XPO4: variants seen among roughly 807,000 people sequenced by gnomAD.
XPO4 encodes exportin 4.
A neutral mutation model predicts 143.0 loss-of-function variants in XPO4; 39 were observed. The observed-to-expected ratio is 0.27, with a 90% CI of 0.21 to 0.36. The LOEUF is 0.36. Ranked by LOEUF, XPO4 falls within the 10% of genes least tolerant of loss-of-function variation. The pLI is 1.00. For synonymous variants in XPO4, 439 were observed against 474.0 expected, an observed-to-expected ratio of 0.93 and a Z score of 0.96; for missense variants, 907 against 1,348.0, an observed-to-expected ratio of 0.67 and a Z score of 5.12.
intron 1 of XPO4, among the ~76,000 whole-genome samples, chr13:20,879,750 A>C (rs982211920): frequency 6.6e-6 from 1 of 152,190 alleles, no homozygotes; most frequent in Non-Finnish European, 1.5e-5. Flanking sequence ...TGTACATCAA[A>C]TGACATTATC....
intron 18 of XPO4, among the ~76,000 whole-genome samples, chr13:20,793,554 CT>C (rs2059313482): frequency 6.6e-6 from 1 of 151,958 alleles, no homozygotes; most frequent in South Asian, 2.1e-4. Flanking sequence ...TTCTTATTGA[CT>C]GATTGACTGA....
chr13:20,884,151 G>A (rs2060439952), intron 1 of XPO4, among the ~76,000 whole-genome samples: 1 of 152,144 alleles, frequency 6.6e-6, no homozygotes, highest in Admixed American at 6.5e-5. Context: ...GAGGCAGGAG[G>A]ATCGCTTAAG....
At chr13:20,867,239 T>C (rs955917889) in intron 2 of XPO4, among the ~76,000 whole-genome samples, 1 of 152,180 alleles carries the variant, frequency 6.6e-6, no homozygotes. Flanking sequence ...TCAGTGAGAA[T>C]TTAAAAGGTA....
chr13:20,865,458 C>G (rs539993089), intron 2 of XPO4: 1 of 985,296 alleles, frequency 1.0e-6, no homozygotes, highest in Admixed American at 6.1e-5. Context: ...TTCTAAACTA[C>G]TTCTGGGAAG....
chr13:20,886,342 T>G (rs976346827), intron 1 of XPO4, among the ~76,000 whole-genome samples: 3 of 152,180 alleles, frequency 2.0e-5, no homozygotes, highest in Admixed American at 6.5e-5. Flanking sequence ...GCTGGGCGCG[T>G]GGCTCACACC....
At chr13:20,843,989 G>C (rs2060005473) in intron 4 of XPO4, 103 bp from the exon 5 acceptor site, 2 of 814,856 alleles carry the variant, frequency 2.5e-6, no homozygotes, top group Non-Finnish European at 4.1e-6. Flanking sequence ...CCTAACTTTA[G>C]ATCTTCCACT....
intron 11 of XPO4, 142 bp from the exon 12 acceptor site, chr13:20,808,723 G>T: frequency 1.5e-6 from 1 of 654,608 alleles, no homozygotes; most frequent in Non-Finnish European, 2.4e-6. Flanking sequence ...CACAACTGTT[G>T]TCATAGCACT....
intron 11 of XPO4, 58 bp downstream of exon 11, chr13:20,809,025 C>G: frequency 1.3e-6 from 2 of 1,578,602 alleles, no homozygotes; most frequent in Admixed American, 3.6e-5. Flanking sequence ...TAAGTGCTCT[C>G]CAGGGAATTG....
At chr13:20,804,359 T>C (rs2059476837) in intron 13 of XPO4, among the ~76,000 whole-genome samples, 1 of 152,114 alleles carries the variant, frequency 6.6e-6, no homozygotes, top group Non-Finnish European at 1.5e-5. Flanking sequence ...TAGCCATTCT[T>C]TTATTCCTTT....
At chr13:20,826,120 CT>C (rs1209847158) in intron 7 of XPO4, among the ~76,000 whole-genome samples, 3 of 152,144 alleles carry the variant, frequency 2.0e-5, no homozygotes, top group Non-Finnish European at 1.5e-5. Flanking sequence ...TATATTCCCC[CT>C]ATAACTGCAA....
At chr13:20,852,040 T>C in intron 4 of XPO4, 1 of 985,400 alleles carries the variant, frequency 1.0e-6, no homozygotes, top group Non-Finnish European at 1.2e-6. Flanking sequence ...GGCAAGGGAC[T>C]CTTGACCCTT....
intron 7 of XPO4, among the ~76,000 whole-genome samples, chr13:20,822,603 C>A (rs182942023): frequency 6.6e-6 from 1 of 152,314 alleles, no homozygotes; most frequent in Admixed American, 6.5e-5. Flanking sequence ...AAAACAGCAA[C>A]AATGACAGTC....
intron 9 of XPO4, among the ~76,000 whole-genome samples, chr13:20,814,301 T>C (rs1043793171): frequency 9.9e-5 from 12 of 121,044 alleles, no homozygotes; most frequent in African/African-American, 2.8e-4. Context: ...TACATAAAAG[T>C]ATAACTAAAA....
chr13:20,812,596 G>A (rs1172395005), intron 9 of XPO4, among the ~76,000 whole-genome samples: 2 of 152,046 alleles, frequency 1.3e-5, no homozygotes, highest in East Asian at 1.9e-4. Context: ...ACAATATGAT[G>A]AAGTCAAAAT....
At chr13:20,840,848 T>G (rs2059966838) in intron 6 of XPO4, among the ~76,000 whole-genome samples, 1 of 152,236 alleles carries the variant, frequency 6.6e-6, no homozygotes, top group Admixed American at 6.5e-5. Flanking sequence ...AACTCACTCA[T>G]AAGCCATGAA....
At chr13:20,879,681 T>C (rs750458303) in intron 1 of XPO4, among the ~76,000 whole-genome samples, 23 of 151,904 alleles carry the variant, frequency 1.5e-4, no homozygotes, top group Admixed American at 1.5e-3. Context: ...AAACAGAATA[T>C]AAAATATTTA....
intron 1 of XPO4, among the ~76,000 whole-genome samples, chr13:20,900,339 G>A (rs1286272913): frequency 5.9e-5 from 9 of 151,852 alleles, no homozygotes; most frequent in South Asian, 2.1e-4. Flanking sequence ...AGCCAAGATC[G>A]TGCCACTGCA....
intron 6 of XPO4, among the ~76,000 whole-genome samples, chr13:20,834,360 A>G (rs2059890487): frequency 6.6e-6 from 1 of 152,140 alleles, no homozygotes; most frequent in Admixed American, 6.6e-5. Flanking sequence ...ACAATTTACA[A>G]TTGAATAATA....
chr13:20,808,213 C>G (rs1226776785), intron 12 of XPO4, among the ~76,000 whole-genome samples: 1 of 152,012 alleles, frequency 6.6e-6, no homozygotes, highest in Non-Finnish European at 1.5e-5. Context: ...ACTAATTCAG[C>G]GGGTAGAATG....
Sources: gnomAD v4.1 joint callset for allele counts (sites outside exome capture counted in the v4.1 genomes callset) on GRCh38, gnomAD v4.1.1 for gene constraint, MANE v1.5 for transcripts, NCBI Gene and HGNC (gene_info 2026-07-23, HGNC 2026-07-21) for gene names.